Variants in TG observed in about 807,000 individuals in gnomAD.
TG encodes thyroid hormones.
TG carries 270 observed loss-of-function variants against 324.7 expected under a neutral mutation model. The ratio of observed to expected loss-of-function variants is 0.83; its 90% CI spans 0.75 to 0.92. The LOEUF is 0.92. Among genes scored for constraint, TG ranks in the 40% least tolerant of loss-of-function variants. TG has a pLI of 0.00. For synonymous variants in TG, 1,401 were observed against 1,327.0 expected (o/e 1.06, Z -1.21); for missense variants, 3,591 against 3,456.4 (o/e 1.04, Z -0.98).
chr8:132,982,141 T>A (rs1172880713), intron 34 of TG, among the ~76,000 whole-genome samples: 1 of 152,180 alleles, frequency 6.6e-6, no homozygotes, highest in East Asian at 1.9e-4. Flanking sequence ...CATCTAAACC[T>A]CGCAACCCTA....
chr8:133,119,568 C>A (rs1850976336), intron 45 of TG, among the ~76,000 whole-genome samples: 1 of 152,140 alleles, frequency 6.6e-6, no homozygotes, highest in Non-Finnish European at 1.5e-5. Flanking sequence ...AAACATTTTC[C>A]CTAAGGCCTC....
Position 132,911,464 on chromosome 8 carries a change from G to A in TG, c.4090G>A (p.Val1364Met). ...TTGTCTGACCAGGGAGCGTTTAGGA[G>A]TGAATGTTACATGGAAATCACGGCT... ...VGCLTRERLG[V>M]NVTWKSRLED... is the part of the protein sequence containing the mutation. The change falls in exon 19 of 48, where the codon GTG becomes ATG. Residue 1364 changes from valine to methionine, a missense_variant. Physicochemically the swap from Val to Met is conservative, Grantham distance 21. Coordinates refer to ENST00000220616, the MANE Select transcript of TG (RefSeq NM_003235.5). 6.2e-7 allele frequency: 1 copy of A among 1,614,218 alleles called. No homozygotes were observed. The highest frequency in any genetic ancestry group is 8.5e-7 in the Non-Finnish European group (1 of 1,180,046).
At chr8:133,105,783 G>A (rs1422686865) in intron 43 of TG, among the ~76,000 whole-genome samples, 1 of 152,198 alleles carries the variant, frequency 6.6e-6, no homozygotes, top group African/African-American at 2.4e-5. Flanking sequence ...GCTTTCAAGA[G>A]TAGTCAGAGA....
chr8:133,100,403 C>A (rs934095803), intron 43 of TG, among the ~76,000 whole-genome samples: 9 of 152,218 alleles, frequency 5.9e-5, no homozygotes, highest in Non-Finnish European at 2.9e-5. Context: ...ATGTTTGAAA[C>A]TGCTATATCT....
At chr8:132,938,254 A>G (rs904857546) in intron 25 of TG, among the ~76,000 whole-genome samples, 1 of 152,168 alleles carries the variant, frequency 6.6e-6, no homozygotes, top group African/African-American at 2.4e-5. Context: ...GACTAAAGAA[A>G]GGGCCTGAGT....
At chr8:132,988,064 G>GCACACACA (rs35161639) in intron 35 of TG, among the ~76,000 whole-genome samples, 5,515 of 134,592 alleles carry the variant, frequency 0.041, 137 homozygotes, top group African/African-American at 0.046. Flanking sequence ...ACATACACAT[G>GCACACACA]CACACACACA....
At chr8:132,921,750 A>G (rs1587414572) in intron 21 of TG, among the ~76,000 whole-genome samples, 1 of 152,342 alleles carries the variant, frequency 6.6e-6, no homozygotes, top group East Asian at 1.9e-4. Context: ...ACTCTTCAGC[A>G]GAAGTAGCTC....
At chr8:133,084,794 A>G (rs2131560582) in intron 41 of TG, among the ~76,000 whole-genome samples, 1 of 152,340 alleles carries the variant, frequency 6.6e-6, no homozygotes, top group South Asian at 2.1e-4. Flanking sequence ...GTGCCTCCAC[A>G]GGCAAGGGGG....
intron 27 of TG, among the ~76,000 whole-genome samples, chr8:132,959,327 A>G (rs1202018580): frequency 6.6e-6 from 1 of 152,214 alleles, no homozygotes; most frequent in African/African-American, 2.4e-5. Flanking sequence ...ACTTTGACCA[A>G]TGAAAGACCA....
intron 27 of TG, among the ~76,000 whole-genome samples, chr8:132,955,330 G>T (rs1826693959): frequency 6.6e-6 from 1 of 152,178 alleles, no homozygotes; most frequent in African/African-American, 2.4e-5. Context: ...GGCCCATCTT[G>T]CTATCCTTGG....
intron 24 of TG, 107 bp from the exon 25 acceptor site, chr8:132,935,645 AACTT>A: frequency 1.1e-6 from 1 of 951,642 alleles, no homozygotes; most frequent in South Asian, 1.4e-5. Context: ...AGGAGCAACT[AACTT>A]ACCTTTGTAG....
At chr8:133,119,261 G>T (rs1469388079) in intron 45 of TG, among the ~76,000 whole-genome samples, 1 of 152,124 alleles carries the variant, frequency 6.6e-6, no homozygotes, top group East Asian at 1.9e-4. Flanking sequence ...TCTCCAAACA[G>T]ACTCTTCTGT....
intron 25 of TG, among the ~76,000 whole-genome samples, chr8:132,939,351 G>A (rs1229526711): frequency 2.0e-5 from 3 of 152,212 alleles, no homozygotes; most frequent in African/African-American, 7.2e-5. Context: ...TGCTGTAGGG[G>A]AGGCCGACTC....
intron 34 of TG, among the ~76,000 whole-genome samples, chr8:132,979,419 AGAATCTG>A (rs1281357131): frequency 6.6e-6 from 1 of 152,210 alleles, no homozygotes; most frequent in Admixed American, 6.5e-5. Flanking sequence ...TCTAGATGTA[AGAATCTG>A]GAAAGGAAAT....
intron 35 of TG, among the ~76,000 whole-genome samples, chr8:133,007,009 A>G (rs553401046): frequency 6.6e-6 from 1 of 152,158 alleles, no homozygotes; most frequent in East Asian, 1.9e-4. Context: ...ATTTTTTTTT[A>G]GTAAACTCCT....
chr8:132,911,552 G>T lies in TG; in HGVS notation c.4159+19G>T. On this transcript the variant is annotated intron_variant, in intron 19 of 47. Transcript: ENST00000220616. ...GACATTGGTATGTTTTTCTGTGGTAGTACCTAGAATAAGCTATGCAGCCTC... is the reference window on the plus strand; with the variant it reads ...GACATTGGTATGTTTTTCTGTGGTATTACCTAGAATAAGCTATGCAGCCTC... 1 of 1,598,680 alleles carries T rather than the reference G, an allele frequency of 6.3e-7. No individual in the cohort carries two copies. The highest frequency in any genetic ancestry group is 1.7e-5 in the Admixed American group (1 of 59,998).
rs1268394257 is a variant in TG at position 132,867,044 on chromosome 8, G to T, written c.44G>T (p.Cys15Phe). ...ATCTTCACCCTGCTGGCCTCCATCT[G>T]CTGGGTGTCGGCCAATATCTTCGGT... ...LEIFTLLASICWVSANIFEYQ... is the reference protein window; with the variant it reads ...LEIFTLLASIFWVSANIFEYQ... The change falls in exon 1 of 48, where the codon TGC becomes TTC. Residue 15 changes from cysteine (C) to phenylalanine (F), a missense_variant. Transcript: ENST00000220616. 8 of 1,601,210 alleles carry T rather than the reference G, an allele frequency of 5.0e-6. No homozygotes were observed. Among genetic ancestry groups the T allele is most frequent in the Non-Finnish European group, 6.8e-6 (8 of 1,172,888 alleles).
At chr8:133,013,460 T>C in intron 36 of TG, 140 bp from the exon 37 acceptor site, 1 of 1,028,194 alleles carries the variant, frequency 9.7e-7, no homozygotes, top group Non-Finnish European at 1.5e-6. Flanking sequence ...GACGGATGGA[T>C]TCATGGATGC....
chr8:132,941,225 T>C (rs967357145), intron 25 of TG, 126 bp from the exon 26 acceptor site: 4 of 1,160,692 alleles, frequency 3.4e-6, no homozygotes, highest in Non-Finnish European at 5.1e-6. Flanking sequence ...CATCTCATCT[T>C]GGCCCACACG....
Sources: gnomAD v4.1 joint callset for allele counts (sites outside exome capture counted in the v4.1 genomes callset) on GRCh38, gnomAD v4.1.1 for gene constraint, MANE v1.5 for transcripts, NCBI Gene and HGNC (gene_info 2026-07-23, HGNC 2026-07-21) for gene names.